The following SOBP variants were observed in gnomAD, a reference collection of about 807,000 sequenced individuals.
The protein encoded by SOBP is sine oculis binding protein homolog.
A neutral mutation model predicts 53.6 loss-of-function variants in SOBP; 4 were observed. The ratio of observed to expected loss-of-function variants is 0.07; its 90% CI spans 0.04 to 0.17. The LOEUF (loss-of-function observed/expected upper bound fraction) is 0.17, where lower values mean the gene tolerates loss of function less well. SOBP is among the 10% of genes least tolerant of loss of function. The probability of loss-of-function intolerance (pLI) is 1.00; values close to 1 mark genes in which losing one functional copy is unlikely to be tolerated. For synonymous variants in SOBP, 584 were observed against 522.6 expected, an observed-to-expected ratio of 1.12 and a Z score of -1.60; for missense variants, 1,088 against 1,204.7, an observed-to-expected ratio of 0.90 and a Z score of 1.43.
At chr6:107,599,687 A>G (rs953837745) in intron 5 of SOBP, among the ~76,000 whole-genome samples, 1 of 151,078 alleles carries the variant, frequency 6.6e-6, no homozygotes, top group African/African-American at 2.4e-5. Flanking sequence ...TAATTACCTG[A>G]CCATTTAAAA....
At chr6:107,564,559 C>T (rs1322580098) in intron 4 of SOBP, among the ~76,000 whole-genome samples, 2 of 109,416 alleles carry the variant, frequency 1.8e-5, no homozygotes, top group East Asian at 4.1e-4. Context: ...TTACTTCCCT[C>T]CTCGTATGTT....
intron 4 of SOBP, among the ~76,000 whole-genome samples, chr6:107,558,707 A>C (rs1433355645): frequency 6.6e-6 from 1 of 151,286 alleles, no homozygotes; most frequent in Non-Finnish European, 1.5e-5. Flanking sequence ...TGAAATATAA[A>C]AAAATTAAAA....
intron 3 of SOBP, among the ~76,000 whole-genome samples, chr6:107,519,806 T>C (rs1783426896): frequency 6.6e-6 from 1 of 152,168 alleles, no homozygotes; most frequent in Admixed American, 6.5e-5. Flanking sequence ...GTTGGCTCTT[T>C]CTGCTCCCTA....
intron 5 of SOBP, among the ~76,000 whole-genome samples, chr6:107,630,790 AC>A (rs1770684998): frequency 6.7e-6 from 1 of 149,092 alleles, no homozygotes; most frequent in African/African-American, 2.5e-5. Flanking sequence ...CTCTCACGTT[AC>A]CGAAAACAAG....
chr6:107,520,625 C>A (rs191269967), intron 3 of SOBP, among the ~76,000 whole-genome samples: 147 of 152,298 alleles, frequency 9.7e-4, no homozygotes, highest in African/African-American at 3.3e-3. Flanking sequence ...AGCTAAGATG[C>A]TAACAGGAAA....
chr6:107,495,543 A>G (rs958851978), intron 1 of SOBP, among the ~76,000 whole-genome samples: 1 of 152,178 alleles, frequency 6.6e-6, no homozygotes, highest in African/African-American at 2.4e-5. Context: ...GAAGAAAATG[A>G]GTCTGACAGA....
At position 107,635,108 on chromosome 6, in the gene SOBP, A is replaced by T. The variant is rs1271270620; in HGVS notation, c.2264A>T (p.Lys755Met). The change falls in exon 6 of 7, where the codon AAG becomes ATG. Residue 755 changes from lysine to methionine, a missense_variant. Coordinates refer to ENST00000317357, the MANE Select transcript of SOBP (RefSeq NM_018013.4). The surrounding 1 kb of genome is among the most constrained non-coding windows in gnomAD (Gnocchi z 4.5). ...CCGCCGCCGCCGCCCGCGCCCCCCA[A>T]GAAGCTGCTGTCGCCTGAGGAACCG... Reference protein sequence around the residue: ...PPPPPPPAPPKKLLSPEEPAV... With the variant: ...PPPPPPPAPPMKLLSPEEPAV... The T allele has an allele frequency of 1.2e-6, 2 of 1,609,554 alleles. No homozygotes were observed. Among genetic ancestry groups the T allele is most frequent in the Non-Finnish European group, 1.7e-6 (2 of 1,178,078 alleles).
intron 2 of SOBP, among the ~76,000 whole-genome samples, chr6:107,504,844 A>G (rs1208550730): frequency 6.6e-6 from 1 of 152,222 alleles, no homozygotes; most frequent in Non-Finnish European, 1.5e-5. Context: ...AGTATCATCA[A>G]TTTCACTGTA....
chr6:107,589,215 C>A (rs1785665613), intron 5 of SOBP, among the ~76,000 whole-genome samples: 1 of 152,110 alleles, frequency 6.6e-6, no homozygotes, highest in Non-Finnish European at 1.5e-5. Flanking sequence ...AGAGCAGTAG[C>A]CAGTTTAGAA....
At chr6:107,515,204 A>G (rs1171110672) in intron 3 of SOBP, 1 of 152,254 alleles carries the variant, frequency 6.6e-6, no homozygotes, top group Non-Finnish European at 1.5e-5. Flanking sequence ...TATTAAGGAA[A>G]TAAAATAATT....
In SOBP at chr6:107,506,103, G is replaced by A; in HGVS notation, c.236-139G>A. ...AAAAAGTTCCTGGATGAACTGTGGA[G>A]TTCTAGTACATTGTTTAAAGATTTG... On this transcript the variant is annotated intron_variant, in intron 2 of 6. Coordinates refer to ENST00000317357, the MANE Select transcript of SOBP (RefSeq NM_018013.4). The A allele has an allele frequency of 4.0e-6, 3 of 743,528 alleles. No individual in the cohort carries two copies. The South Asian group carries it at 4.9e-5, about 12-fold the overall frequency. The allele number at this position is 743,528 out of a possible 1,614,324, so 46.1% of individuals were successfully genotyped here.
At chr6:107,523,901 A>G (rs1401746011) in intron 3 of SOBP, among the ~76,000 whole-genome samples, 1 of 152,224 alleles carries the variant, frequency 6.6e-6, no homozygotes, top group Non-Finnish European at 1.5e-5. Context: ...GTTAGTGTCC[A>G]TGCGTGTCTT....
At chr6:107,510,790 G>C (rs1249899191) in intron 3 of SOBP, 1 of 152,110 alleles carries the variant, frequency 6.6e-6, no homozygotes, top group Non-Finnish European at 1.5e-5. Context: ...CAAATAAAGG[G>C]TACAGTGGCT....
At chr6:107,523,120 C>T (rs757942429) in intron 3 of SOBP, among the ~76,000 whole-genome samples, 1 of 152,130 alleles carries the variant, frequency 6.6e-6, no homozygotes, top group Non-Finnish European at 1.5e-5. Flanking sequence ...TGGGCATCGT[C>T]GTATTATGGA....
intron 6 of SOBP, among the ~76,000 whole-genome samples, chr6:107,650,354 A>C (rs1771752766): frequency 6.6e-6 from 1 of 152,222 alleles, no homozygotes; most frequent in Non-Finnish European, 1.5e-5. Flanking sequence ...TTTCAGTTGC[A>C]GGCATATCTC....
chr6:107,601,428 G>C lies in SOBP; in HGVS notation c.669+14253G>C, dbSNP rs536737816. Among the ~76,000 whole-genome samples, 167 of 152,328 alleles carry C rather than the reference G, an allele frequency of 1.1e-3. 1 individual carries two copies. The highest frequency in any genetic ancestry group is 1.4e-3 in the Admixed American group (21 of 15,304). ...TGTTTGAATTTAGCTACTAGAGAAG[G>C]TATCAAATATTGTAGCAAGACATTA... On this transcript the variant is annotated intron_variant, in intron 5 of 6. Coordinates refer to ENST00000317357, the MANE Select transcript of SOBP (RefSeq NM_018013.4).
At chr6:107,522,839 C>T (rs112557254) in intron 3 of SOBP, among the ~76,000 whole-genome samples, 3,503 of 152,124 alleles carry the variant, frequency 0.023, 137 homozygotes, top group African/African-American at 0.077. Context: ...CCACCACACC[C>T]AGCTGTGTAA....
chr6:107,518,063 C>A (rs1163972439), intron 3 of SOBP, among the ~76,000 whole-genome samples: 7 of 151,956 alleles, frequency 4.6e-5, no homozygotes, highest in Admixed American at 3.3e-4. Context: ...AATGAAAAAG[C>A]AAATCACTGA....
chr6:107,556,129 T>C (rs1168138347), intron 4 of SOBP, among the ~76,000 whole-genome samples: 1 of 152,240 alleles, frequency 6.6e-6, no homozygotes, highest in East Asian at 1.9e-4. Context: ...CTGTGGCAAG[T>C]TGCAGAAACC....
Sources: allele counts gnomAD v4.1 joint callset (sites outside exome capture counted in the v4.1 genomes callset), GRCh38; gene constraint gnomAD v4.1.1; non-coding constraint Gnocchi (gnomAD v3.1); transcripts MANE v1.5; gene names NCBI Gene and HGNC (gene_info 2026-07-23, HGNC 2026-07-21).